Variants in TUBE1 observed in about 807,000 individuals in gnomAD.
The protein encoded by TUBE1 is tubulin epsilon 1.
TUBE1 carries 34 observed loss-of-function variants against 53.5 expected under a neutral mutation model. The ratio of observed to expected loss-of-function variants is 0.64; its 90% CI spans 0.48 to 0.85. The LOEUF is 0.85. Among genes scored for constraint, TUBE1 ranks in the 40% least tolerant of loss-of-function variants. TUBE1 has a pLI of 0.00. For missense variants in TUBE1, 532 were observed against 570.5 expected, an observed-to-expected ratio of 0.93 and a Z score of 0.69; for synonymous variants, 177 against 198.4, an observed-to-expected ratio of 0.89 and a Z score of 0.91.
intron 6 of TUBE1, chr6:112,076,927 CT>C (rs1255611915): frequency 2.0e-5 from 3 of 152,504 alleles, no homozygotes; most frequent in Non-Finnish European, 2.9e-5. Flanking sequence ...ATTAACTAAT[CT>C]AATTTTGGAT....
intron 7 of TUBE1, 32 bp downstream of exon 7, chr6:112,076,290 A>T: frequency 6.5e-7 from 1 of 1,528,158 alleles, no homozygotes; most frequent in Non-Finnish European, 8.8e-7. Flanking sequence ...TATATATAAC[A>T]TTTATTCATA....
At position 112,072,869 on chromosome 6, in the gene TUBE1, C is replaced by CT. The variant is rs2114478224; in HGVS notation, c.982dup (p.Ser328LysfsTer2). On this transcript the variant is annotated frameshift_variant, in exon 10 of 12. Coordinates refer to ENST00000368662, the MANE Select transcript of TUBE1 (RefSeq NM_016262.5). LOFTEE classifies it high-confidence loss of function. The stretch of plus-strand genomic sequence containing the variant: ...TGCCCGAAGCAGCTGGTGATCTTTA[C>CT]TAAAGGCATCTGAAAACATCTGATC... The CT allele has an allele frequency of 6.2e-7, 1 of 1,613,248 alleles. No homozygotes were observed. The highest frequency in any genetic ancestry group is 2.2e-5 in the East Asian group (1 of 44,870).
At chr6:112,071,794 G>A (rs587607874) in intron 11 of TUBE1, 108 bp downstream of exon 11, 10 of 1,125,986 alleles carry the variant, frequency 8.9e-6, no homozygotes, top group Admixed American at 8.5e-5. Context: ...TCAGTACAAC[G>A]CACATAATAG....
At chr6:112,087,170 T>C in intron 2 of TUBE1, 63 bp downstream of exon 2, 1 of 1,414,308 alleles carries the variant, frequency 7.1e-7, no homozygotes, top group Non-Finnish European at 9.7e-7. Flanking sequence ...GTCGATTATT[T>C]CCTGCGTATG....
At chr6:112,073,068 CAATCTT>C (rs1229882833) in intron 9 of TUBE1, among the ~76,000 whole-genome samples, 170 bp from the exon 10 acceptor site, 4 of 151,866 alleles carry the variant, frequency 2.6e-5, no homozygotes, top group Non-Finnish European at 5.9e-5. Flanking sequence ...TTTCTTGAAG[CAATCTT>C]AATGATATGA....
chr6:112,081,047 C>T (rs1554316696), intron 5 of TUBE1, 45 bp downstream of exon 5: 1 of 1,214,696 alleles, frequency 8.2e-7, no homozygotes, highest in Admixed American at 1.8e-5. Flanking sequence ...AAAGATTGCT[C>T]ATTTTTTTCA....
Position 112,084,228 on chromosome 6 carries a change from TC to T in TUBE1, c.170del (p.Gly57GlufsTer11). 6.2e-7 allele frequency: 1 copy of T among 1,613,448 alleles called. No homozygotes were observed. Among genetic ancestry groups the T allele is most frequent in the Non-Finnish European group, 8.5e-7 (1 of 1,179,472 alleles). ...AACATATTTTTCCCTTGGAAATACT[TC>T]CACCATCACCAACCACTCTGAAAGA... ...NVDTRVVGDG[G>X]SISKGKICSL... On this transcript the variant is annotated frameshift_variant, in exon 4 of 12. Transcript: ENST00000368662. LOFTEE classifies it high-confidence loss of function.
intron 4 of TUBE1, among the ~76,000 whole-genome samples, chr6:112,081,814 G>GAAAAAAAAAAAAAAAA (rs797037415): frequency 7.6e-6 from 1 of 132,292 alleles, no homozygotes. Context: ...AAAAAAAACA[G>GAAAAAAAAAAAAAAAA]AAAAAAAAAA....
chr6:112,072,734 T>C (rs1554315523), intron 10 of TUBE1, 24 bp downstream of exon 10: 21 of 1,609,634 alleles, frequency 1.3e-5, no homozygotes, highest in Non-Finnish European at 1.8e-5. Context: ...ACACACAAAT[T>C]ATCTTTAAAA....
chr6:112,079,738 C>G lies in TUBE1; in HGVS notation c.343G>C (p.Val115Leu). The G allele has an allele frequency of 6.2e-7, 1 of 1,607,962 alleles. No individual in the cohort carries two copies. The highest frequency in any genetic ancestry group is 1.1e-5 in the South Asian group (1 of 89,240). Residue 115 changes from valine to leucine, a missense_variant, in exon 6 of 12, where the codon GTT (valine) becomes CTT (leucine). Coordinates refer to ENST00000368662, the MANE Select transcript of TUBE1 (RefSeq NM_016262.5). ...SGNNWAVGHK[V>L]FGSLYQDQIL... The stretch of plus-strand genomic sequence containing the variant: ...TGGTCTTGGTAAAGACTGCCGAAAA[C>G]TTTGTGACCCACGGCCCTGAAAATT...
intron 2 of TUBE1, chr6:112,086,951 C>A: frequency 1.9e-6 from 1 of 512,908 alleles, no homozygotes; most frequent in Non-Finnish European, 3.4e-6. Context: ...ATCTATTTTA[C>A]AAAGTACTTT....
intron 8 of TUBE1, 113 bp downstream of exon 8, chr6:112,075,824 T>G (rs1208232047): frequency 1.0e-6 from 1 of 1,004,730 alleles, no homozygotes. Context: ...GAAGACAAAA[T>G]AAAAACAGAA....
chr6:112,072,572 C>A (rs1776887075), intron 10 of TUBE1, among the ~76,000 whole-genome samples, 186 bp downstream of exon 10: 1 of 151,882 alleles, frequency 6.6e-6, no homozygotes, highest in Admixed American at 6.6e-5. Flanking sequence ...AAATAAAAAC[C>A]ATGTACTATT....
intron 7 of TUBE1, 36 bp from the exon 8 acceptor site, chr6:112,076,148 A>G (rs782729733): frequency 6.3e-7 from 1 of 1,576,206 alleles, no homozygotes; most frequent in South Asian, 1.1e-5. Flanking sequence ...GAAGCTATTA[A>G]GAAGAGTGGA....
intron 6 of TUBE1, chr6:112,079,268 T>C (rs587674717): frequency 1.2e-4 from 19 of 160,434 alleles, no homozygotes; most frequent in Non-Finnish European, 2.2e-4. Context: ...CTCTAGGAAA[T>C]AGGACTGTAC....
At chr6:112,081,238 T>C in intron 4 of TUBE1, 31 bp from the exon 5 acceptor site, 1 of 1,255,792 alleles carries the variant, frequency 8.0e-7, no homozygotes, top group Non-Finnish European at 1.1e-6. Flanking sequence ...ATAATTAATG[T>C]ATTTTCTTTT....
chr6:112,078,229 T>C (rs182882903), intron 6 of TUBE1: 1 of 152,154 alleles, frequency 6.6e-6, no homozygotes, highest in East Asian at 1.9e-4. Context: ...GGTCCTATCT[T>C]TTTCTTAGGA....
At chr6:112,079,431 A>G (rs1365355214) in intron 6 of TUBE1, 1 of 430,716 alleles carries the variant, frequency 2.3e-6, no homozygotes, top group African/African-American at 2.1e-5. Context: ...TAAAAAAAAA[A>G]AAAAAGAAAA....
At chr6:112,084,807 C>T (rs1360781743) in intron 3 of TUBE1, among the ~76,000 whole-genome samples, 1 of 152,222 alleles carries the variant, frequency 6.6e-6, no homozygotes, top group East Asian at 1.9e-4. Context: ...CACCCATCAA[C>T]TGATATAACT....
Sources: allele counts gnomAD v4.1 joint callset (sites outside exome capture counted in the v4.1 genomes callset), GRCh38; gene constraint gnomAD v4.1.1; transcripts MANE v1.5; gene names NCBI Gene and HGNC (gene_info 2026-07-23, HGNC 2026-07-21).